PHF24: variants seen among roughly 807,000 people sequenced by gnomAD.
The protein encoded by PHF24 is Galpha inhibitory interacting protein.
In PHF24, 25 loss-of-function variants were observed where a neutral mutation model predicts 42.6. The observed-to-expected ratio is 0.59, with a 90% CI of 0.43 to 0.82. The LOEUF (loss-of-function observed/expected upper bound fraction) is 0.82. Among genes scored for constraint, PHF24 ranks in the 40% least tolerant of loss-of-function variants. The pLI, the probability that PHF24 is intolerant of heterozygous loss-of-function variation, is 0.00. For missense variants in PHF24, 470 were observed against 538.1 expected, an observed-to-expected ratio of 0.87 and a Z score of 1.25; for synonymous variants, 185 against 204.8, an observed-to-expected ratio of 0.90 and a Z score of 0.83.
At chr9:34,690,370 C>T in the PHF24 span, 1 of 1,610,398 alleles carries the variant, frequency 6.2e-7, no homozygotes, top group Non-Finnish European at 8.5e-7. Context: ...GGTGACAGGA[C>T]ACAGGGACCC....
the PHF24 span, among the ~76,000 whole-genome samples, chr9:34,767,878 A>G: frequency 6.6e-6 from 1 of 152,246 alleles, no homozygotes; most frequent in African/African-American, 2.4e-5. Context: ...AAATGTAAAT[A>G]TCAGAGCACT....
chr9:34,937,125 G>C, the PHF24 span, among the ~76,000 whole-genome samples: 1 of 151,776 alleles, frequency 6.6e-6, no homozygotes, highest in African/African-American at 2.4e-5. Flanking sequence ...CCCTCTGCCC[G>C]GCCACCACCC....
At chr9:34,833,802 G>C in the PHF24 span, 5 of 1,551,552 alleles carry the variant, frequency 3.2e-6, no homozygotes, top group Non-Finnish European at 4.4e-6. Flanking sequence ...CTTATACACT[G>C]TTCTTCAAAT....
At chr9:34,761,645 A>T in the PHF24 span, among the ~76,000 whole-genome samples, 1 of 152,138 alleles carries the variant, frequency 6.6e-6, no homozygotes, top group Admixed American at 6.5e-5. Flanking sequence ...AGGGTATGGC[A>T]TGGTAGAGAG....
At chr9:34,723,721 G>T in the PHF24 span, 1 of 1,551,692 alleles carries the variant, frequency 6.4e-7, no homozygotes, top group South Asian at 1.2e-5. Context: ...GAGTTGGTTG[G>T]CTCAGGAAAG....
chr9:34,768,131 C>G, the PHF24 span, among the ~76,000 whole-genome samples: 1 of 152,292 alleles, frequency 6.6e-6, no homozygotes, highest in Non-Finnish European at 1.5e-5. Context: ...TACATTATTT[C>G]ACTGGACATG....
chr9:34,857,249 G>A, the PHF24 span, among the ~76,000 whole-genome samples: 3 of 152,198 alleles, frequency 2.0e-5, no homozygotes, highest in Non-Finnish European at 4.4e-5. Context: ...TGGGAGTGGG[G>A]CCCGTGGGAT....
At chr9:34,922,888 G>A in the PHF24 span, 280 of 1,564,334 alleles carry the variant, frequency 1.8e-4, 3 homozygotes, top group South Asian at 2.9e-3. Context: ...TGCTCGGCCA[G>A]TTTGGCCTTC....
intron 1 of PHF24, among the ~76,000 whole-genome samples, chr9:34,967,918 CTAA>C (rs1173577119): frequency 6.6e-6 from 1 of 152,158 alleles, no homozygotes; most frequent in Non-Finnish European, 1.5e-5. Context: ...AGACAGAGAA[CTAA>C]AGCCCAAAGC....
At chr9:34,823,529 T>TA in the PHF24 span, among the ~76,000 whole-genome samples, 1 of 152,158 alleles carries the variant, frequency 6.6e-6, no homozygotes, top group Non-Finnish European at 1.5e-5. Context: ...TCTAAGCCCC[T>TA]ACCTGTCACC....
the PHF24 span, chr9:34,835,944 A>T: frequency 2.7e-6 from 2 of 738,862 alleles, no homozygotes; most frequent in South Asian, 2.9e-5. Flanking sequence ...AGTCATTCTC[A>T]TCCGCCAGCA....
chr9:34,925,118 C>A, the PHF24 span, among the ~76,000 whole-genome samples: 2 of 152,052 alleles, frequency 1.3e-5, no homozygotes, highest in Non-Finnish European at 2.9e-5. Context: ...AATAGCTTTG[C>A]TGGCTATAAT....
At chr9:34,930,052 T>G in the PHF24 span, among the ~76,000 whole-genome samples, 47 of 152,228 alleles carry the variant, frequency 3.1e-4, no homozygotes, top group Non-Finnish European at 4.4e-5. Flanking sequence ...AATACTATTT[T>G]GGGGCTTCTC....
At chr9:34,939,738 C>A in the PHF24 span, among the ~76,000 whole-genome samples, 1 of 152,196 alleles carries the variant, frequency 6.6e-6, no homozygotes, top group African/African-American at 2.4e-5. Flanking sequence ...CATGGTCCCA[C>A]ACATCTACTT....
chr9:34,801,652 G>A, the PHF24 span, among the ~76,000 whole-genome samples: 2 of 152,002 alleles, frequency 1.3e-5, no homozygotes, highest in Non-Finnish European at 2.9e-5. Flanking sequence ...GCGTGAACCT[G>A]GGAGGCAGAG....
At chr9:34,875,948 ACACTCTCTCTCTCTCTCTCTCTCTCT>A in the PHF24 span, among the ~76,000 whole-genome samples, 1 of 79,828 alleles carries the variant, frequency 1.3e-5, no homozygotes, top group Non-Finnish European at 2.4e-5. Flanking sequence ...ACACACACAC[ACACTCTCTCTCTCTCTCTCTCTCTCT>A]CTCTCTCTCT....
chr9:34,931,851 CCTGGGGAGATA>C, the PHF24 span, among the ~76,000 whole-genome samples: 1 of 152,128 alleles, frequency 6.6e-6, no homozygotes, highest in Non-Finnish European at 1.5e-5. Context: ...AAGAAGTCAG[CCTGGGGAGATA>C]CTGGTGAAAG....
chr9:34,721,963 A>G, the PHF24 span, among the ~76,000 whole-genome samples: 1 of 152,134 alleles, frequency 6.6e-6, no homozygotes, highest in African/African-American at 2.4e-5. Context: ...TCTGTTTACT[A>G]GTCCCTCCTT....
the PHF24 span, among the ~76,000 whole-genome samples, chr9:34,880,316 C>T: frequency 4.6e-5 from 7 of 152,336 alleles, no homozygotes; most frequent in Non-Finnish European, 7.3e-5. Flanking sequence ...AACCAGCTAA[C>T]ATCATAATGA....
Sources: gnomAD v4.1 joint callset for allele counts (sites outside exome capture counted in the v4.1 genomes callset) on GRCh38, gnomAD v4.1.1 for gene constraint, MANE v1.5 for transcripts, NCBI Gene and HGNC (gene_info 2026-07-23, HGNC 2026-07-21) for gene names.